The following PPP4R2 variants were observed in gnomAD, a reference collection of about 807,000 sequenced individuals.
The protein encoded by PPP4R2 is serine/threonine-protein phosphatase 4 regulatory subunit 2.
A neutral mutation model predicts 47.2 loss-of-function variants in PPP4R2; 13 were observed. That is an observed-to-expected ratio of 0.28 (90% CI 0.18 to 0.44). The LOEUF is 0.44. Among genes scored for constraint, PPP4R2 ranks in the 20% least tolerant of loss-of-function variants. The pLI, the probability that PPP4R2 is intolerant of heterozygous loss-of-function variation, is 1.00. For synonymous variants in PPP4R2, 151 were observed against 163.3 expected, an observed-to-expected ratio of 0.92 and a Z score of 0.57; for missense variants, 421 against 491.2, an observed-to-expected ratio of 0.86 and a Z score of 1.35.
intron 2 of PPP4R2, among the ~76,000 whole-genome samples, chr3:73,001,829 A>G (rs1701468357): frequency 1.3e-5 from 2 of 151,978 alleles, no homozygotes; most frequent in South Asian, 4.2e-4. Flanking sequence ...GGGTTTCACC[A>G]TGTTGGCCAG....
intron 2 of PPP4R2, among the ~76,000 whole-genome samples, chr3:73,046,782 T>C (rs1348060371): frequency 1.3e-5 from 2 of 152,194 alleles, no homozygotes; most frequent in African/African-American, 2.4e-5. Context: ...ATGCAAACAT[T>C]GTAACTTGGA....
intron 2 of PPP4R2, among the ~76,000 whole-genome samples, chr3:73,035,756 G>C (rs1482765116): frequency 2.0e-5 from 3 of 152,002 alleles, no homozygotes; most frequent in Admixed American, 2.0e-4. Context: ...TCCCCAAGTA[G>C]CTGGGACTAC....
intron 2 of PPP4R2, among the ~76,000 whole-genome samples, chr3:73,040,858 C>T (rs982147164): frequency 1.3e-5 from 2 of 151,990 alleles, no homozygotes; most frequent in African/African-American, 4.8e-5. Flanking sequence ...GGCACAAATA[C>T]GTGGTGCAGT....
intron 2 of PPP4R2, among the ~76,000 whole-genome samples, chr3:73,026,390 A>C (rs989189575): frequency 1.3e-5 from 2 of 152,134 alleles, no homozygotes; most frequent in Non-Finnish European, 2.9e-5. Context: ...TAAAAGATAC[A>C]TGCAAGGGGT....
rs142951081 is a variant in PPP4R2, at chr3:73,065,545, A to G, written c.1077A>G (p.Leu359=). ...SDVSQAEKDL[L]HSEGSENEGP... ...TGTCTCAAGCTGAGAAAGATTTGCT[A>G]CATTCTGAAGGTAGTGAAAACGAAG... Residue 359 remains leucine, a synonymous_variant, in exon 9 of 9, where the codon CTA becomes CTG. Transcript: ENST00000356692. The G allele has an allele frequency of 5.1e-4, 828 of 1,612,724 alleles. 6 individuals are homozygous for G. In the African/African-American group the frequency reaches 9.8e-3, roughly 19 times the overall value.
At chr3:72,997,517 C>CT (rs1202312541) in intron 1 of PPP4R2, 1 of 172,498 alleles carries the variant, frequency 5.8e-6, no homozygotes, top group Non-Finnish European at 1.2e-5. Context: ...TTTTTCAGGG[C>CT]TTTTGAAGTC....
At chr3:73,015,824 G>A (rs1206361287) in intron 2 of PPP4R2, 1 of 442,120 alleles carries the variant, frequency 2.3e-6, no homozygotes, top group African/African-American at 2.0e-5. Flanking sequence ...GTGTTTAGTA[G>A]AGACGGGGTT....
rs1703027075 is a variant in PPP4R2, at chr3:73,067,576, A to G, written c.*1854A>G. ...TAAATTTTTAAAAAATTTTTCAAAA[A>G]TGTTAAAATGAGGCAAATTTAAGTT... is the stretch of plus-strand genomic sequence containing the variant. On this transcript the variant is annotated 3_prime_UTR_variant, in exon 9 of 9. Coordinates refer to ENST00000356692, the MANE Select transcript of PPP4R2 (RefSeq NM_174907.4). 1 of 152,182 alleles carries G rather than the reference A, an allele frequency of 6.6e-6. No homozygotes were observed. The highest frequency in any genetic ancestry group is 6.5e-5 in the Admixed American group (1 of 15,284). 9.4% of individuals were successfully genotyped at this position (152,182 alleles called of 1,614,324 possible).
chr3:73,064,764 A>G (rs1702950344), intron 7 of PPP4R2, 88 bp from the exon 8 acceptor site: 1 of 1,182,440 alleles, frequency 8.5e-7, no homozygotes, highest in Middle Eastern at 3.0e-4. Flanking sequence ...CTGAAATACA[A>G]TTTAAAACAT....
intron 1 of PPP4R2, 118 bp downstream of exon 1, chr3:72,997,189 C>G: frequency 1.3e-6 from 1 of 752,726 alleles, no homozygotes. Context: ...GAGTGCTTCC[C>G]GGGCTCCCAT....
chr3:73,058,047 TG>T (rs1702765234), intron 3 of PPP4R2, among the ~76,000 whole-genome samples: 1 of 152,192 alleles, frequency 6.6e-6, no homozygotes, highest in African/African-American at 2.4e-5. Context: ...ATAACTTTGC[TG>T]TTCTGTTCAG....
chr3:73,022,005 T>TC (rs1270031014), intron 2 of PPP4R2, among the ~76,000 whole-genome samples: 1 of 151,766 alleles, frequency 6.6e-6, no homozygotes, highest in Non-Finnish European at 1.5e-5. Context: ...CAAGTGATTC[T>TC]CCTGCCTTAG....
At chr3:73,003,811 G>C (rs1701536623) in intron 2 of PPP4R2, among the ~76,000 whole-genome samples, 1 of 151,820 alleles carries the variant, frequency 6.6e-6, no homozygotes, top group African/African-American at 2.4e-5. Context: ...CGATTTTTCT[G>C]CCACAGCCTC....
chr3:73,057,437 A>G (rs1488552268), intron 3 of PPP4R2, among the ~76,000 whole-genome samples: 1 of 152,144 alleles, frequency 6.6e-6, no homozygotes, highest in African/African-American at 2.4e-5. Flanking sequence ...TCTTCCTCAG[A>G]AACCCAGAGG....
At chr3:73,063,599 A>T (rs1446495615) in intron 5 of PPP4R2, 74 bp from the exon 6 acceptor site, 1 of 834,652 alleles carries the variant, frequency 1.2e-6, no homozygotes, top group African/African-American at 1.7e-5. Flanking sequence ...ACTCCATTCC[A>T]CCTTGGGTGA....
intron 2 of PPP4R2, among the ~76,000 whole-genome samples, chr3:73,018,130 T>C (rs1184422768): frequency 6.6e-6 from 1 of 152,180 alleles, no homozygotes; most frequent in African/African-American, 2.4e-5. Flanking sequence ...ATATTTCTTA[T>C]ATTTTTATCC....
chr3:72,996,985 T>G lies in PPP4R2; in HGVS notation c.-53T>G. ...GGGGGGGTGGGGGGAGGCGTTCCGG[T>G]CCCCAAGAGACCCGCGGAGGGAGGC... On this transcript the variant is annotated 5_prime_UTR_variant, in exon 1 of 9. Transcript: ENST00000356692. 7.6e-7 allele frequency: 1 copy of G among 1,309,058 alleles called. No homozygotes were observed. Among genetic ancestry groups the G allele is most frequent in the East Asian group, 3.1e-5 (1 of 32,210 alleles). The allele number at this position is 1,309,058 out of a possible 1,614,324, so 81.1% of individuals were successfully genotyped here.
intron 2 of PPP4R2, among the ~76,000 whole-genome samples, chr3:73,018,407 C>CGGTATGTTAT (rs1701885291): frequency 2.1e-5 from 2 of 96,028 alleles, no homozygotes; most frequent in African/African-American, 9.4e-5. Context: ...CTGTCATAGT[C>CGGTATGTTAT]GTTATGTTAT....
chr3:73,010,841 T>C (rs1430623247), intron 2 of PPP4R2, among the ~76,000 whole-genome samples: 3 of 152,198 alleles, frequency 2.0e-5, no homozygotes, highest in African/African-American at 7.2e-5. Flanking sequence ...GGCTCAGCCT[T>C]TCTTTTATTC....
Sources: gnomAD v4.1 joint callset for allele counts (sites outside exome capture counted in the v4.1 genomes callset) on GRCh38, gnomAD v4.1.1 for gene constraint, MANE v1.5 for transcripts, NCBI Gene and HGNC (gene_info 2026-07-23, HGNC 2026-07-21) for gene names.